Variants in SIGLEC10 observed in about 807,000 individuals in gnomAD.
SIGLEC10 encodes the protein sialic acid-binding Ig-like lectin 10.
SIGLEC10 carries 45 observed loss-of-function variants against 68.3 expected under a neutral mutation model. That is an observed-to-expected ratio of 0.66 (90% CI 0.52 to 0.84). The LOEUF is 0.84. Among genes scored for constraint, SIGLEC10 ranks in the 40% least tolerant of loss-of-function variants. SIGLEC10 has a pLI of 0.00. For synonymous variants in SIGLEC10, 379 were observed against 370.8 expected, an observed-to-expected ratio of 1.02 and a Z score of -0.26; for missense variants, 789 against 883.1, an observed-to-expected ratio of 0.89 and a Z score of 1.35.
At position 51,416,150 on chromosome 19, in the gene SIGLEC10, G is replaced by A; in HGVS notation, c.772C>T (p.Gln258Ter). Reference sequence around the variant, plus strand: ...GCTTCCAGGTATGGGACATTTCCCTGGGGCTGGGGCTCCAGGGCTGGAGTG... The same window carrying A: ...GCTTCCAGGTATGGGACATTTCCCTAGGGCTGGGGCTCCAGGGCTGGAGTG... ...DNTPALEPQP[Q>*]GNVPYLEAQK... Residue 258 changes from glutamine to a stop codon, truncating the protein, a stop_gained, in exon 5 of 11, where the codon CAG (glutamine) becomes TAG (stop). Coordinates refer to ENST00000339313, the MANE Select transcript of SIGLEC10 (RefSeq NM_033130.5). LOFTEE classifies it high-confidence loss of function. 1 of 1,609,304 alleles carries A rather than the reference G, an allele frequency of 6.2e-7. No individual in the cohort carries two copies. Among genetic ancestry groups the A allele is most frequent in the Non-Finnish European group, 8.5e-7 (1 of 1,177,996 alleles).
rs1267384284 is a variant in SIGLEC10 at position 51,410,660 on chromosome 19, T to G, written c.*439A>C. 2 of 156,438 alleles carry G rather than the reference T, an allele frequency of 1.3e-5. No individual in the cohort carries two copies. Among genetic ancestry groups the G allele is most frequent in the African/African-American group, 2.4e-5 (1 of 41,114 alleles). The allele number at this position is 156,438 out of a possible 1,614,324, so 9.7% of individuals were successfully genotyped here. On this transcript the variant is annotated 3_prime_UTR_variant, in exon 11 of 11. Transcript: ENST00000339313. ...GACACCCAACCCATTTGGAGGATTT[T>G]TTTTTTGAGATGGAGTCTCGCTTTG...
chr19:51,414,979 C>A lies in SIGLEC10; in HGVS notation c.1460G>T (p.Ser487Ile). The change falls in exon 8 of 11, where the codon AGC becomes ATC. Residue 487 changes from serine (S) to isoleucine (I), a missense_variant. Coordinates refer to ENST00000339313, the MANE Select transcript of SIGLEC10 (RefSeq NM_033130.5). This position sits in a 1 kb window ranked among gnomAD's most constrained non-coding sequence, Gnocchi z 4.1. ...GGTGACCTCGAAGGAGTCCTGGCTG[C>A]TGTTCCCCTCCAGCAGCTCCTCCCC... The part of the protein sequence containing the change: ...WLGEELLEGN[S>I]SQDSFEVTPS... The A allele has an allele frequency of 1.2e-6, 2 of 1,613,320 alleles. No homozygotes were observed. Among genetic ancestry groups the A allele is most frequent in the Non-Finnish European group, 1.7e-6 (2 of 1,179,934 alleles).
chr19:51,411,311 C>T lies in SIGLEC10; in HGVS notation c.1882G>A (p.Ala628Thr), dbSNP rs778977961. Residue 628 changes from alanine (A) to threonine (T), a missense_variant, in exon 11 of 11, where the codon GCT becomes ACT. Ala to Thr is a moderately conservative substitution (Grantham distance 58). Coordinates refer to ENST00000339313, the MANE Select transcript of SIGLEC10 (RefSeq NM_033130.5). Reference protein sequence around the residue: ...NSPRTPLPPGAPSPESKKNQK... With the variant: ...NSPRTPLPPGTPSPESKKNQK... The stretch of plus-strand genomic sequence containing the variant: ...TTCTTCTTTGATTCTGGGGAGGGAG[C>T]ACCTGGTGGAAGAGGGGTCCGAGGA... The T allele has an allele frequency of 1.2e-6, 2 of 1,614,170 alleles. No homozygotes were observed. Among genetic ancestry groups the T allele is most frequent in the Admixed American group, 3.3e-5 (2 of 60,014 alleles).
At chr19:51,416,448 TC>T (rs1988667398) in intron 3 of SIGLEC10, 91 bp from the exon 4 acceptor site, 1 of 1,611,308 alleles carries the variant, frequency 6.2e-7, no homozygotes. Flanking sequence ...AGTGGGACTA[TC>T]CCGGGAAGAC....
In SIGLEC10 at chr19:51,416,756, G is replaced by T; in HGVS notation, c.616C>A (p.Pro206Thr). The T allele has an allele frequency of 6.2e-7, 1 of 1,614,252 alleles. No individual in the cohort carries two copies. The highest frequency in any genetic ancestry group is 8.5e-7 in the Non-Finnish European group (1 of 1,180,040). Residue 206 changes from proline to threonine, a missense_variant, in exon 3 of 11, where the codon CCC (proline) becomes ACC (threonine). By Grantham distance (38) the Pro-to-Thr change is conservative. Transcript: ENST00000339313. ...HFSVLSFTPR[P>T]QDHNTDLTCH... is the part of the protein sequence containing the mutation. ...GTGAGGTCGGTGTTGTGGTCCTGGG[G>T]TCTGGGCGTGAAGCTGAGCACTGAG...
Position 51,416,811 on chromosome 19 carries a change from G to A in SIGLEC10, c.561C>T (p.Ser187=), listed in dbSNP as rs142651280. 413 of 1,613,866 alleles carry A rather than the reference G, an allele frequency of 2.6e-4. 2 individuals carry two copies. In the African/African-American group the frequency reaches 4.5e-3, roughly 18 times the overall value. ...GGGAGGTCGTTGGTTTGGTTCCTTG[G>A]GAGGAGAGGGCAGCCCCCGTCCAGG... ...SFSWTGAALS[S]QGTKPTTSHF... The change falls in exon 3 of 11, where the codon TCC becomes TCT. Residue 187 remains serine (S), a synonymous_variant. Transcript: ENST00000339313.
intron 10 of SIGLEC10, among the ~76,000 whole-genome samples, chr19:51,412,683 A>G (rs1988127482): frequency 6.6e-6 from 1 of 151,724 alleles, no homozygotes; most frequent in Non-Finnish European, 1.5e-5. Context: ...ACCATGTTGA[A>G]CACGCTGCTC....
Position 51,417,565 on chromosome 19 carries a change from A to G in SIGLEC10, c.17T>C (p.Leu6Pro), listed in dbSNP as rs1340785009. The change falls in exon 1 of 11, where the codon CTG becomes CCG. Residue 6 changes from leucine to proline, a missense_variant. Transcript: ENST00000339313. ...CTCACCGCCCAGCAGCGAGGACAGC[A>G]GCAGTGGCAGTAGCATCTCCGCATA... MLLPL[L>P]LSSLLGGSQA... is the part of the protein sequence containing the mutation. The G allele has an allele frequency of 6.2e-7, 1 of 1,614,222 alleles. No homozygotes were observed. The highest frequency in any genetic ancestry group is 8.5e-7 in the Non-Finnish European group (1 of 1,180,024).
chr19:51,415,978 G>C lies in SIGLEC10; in HGVS notation c.944C>G (p.Ala315Gly), dbSNP rs543398977. ...GCAGGTGTAGCGCCCTGAATCCCCA[G>C]CCTTCACCCCGGGCAGCTCCAGCCC... ...PLGLELPGVK[A>G]GDSGRYTCRA... The change falls in exon 5 of 11, where the codon GCT (alanine) becomes GGT (glycine). Residue 315 changes from alanine to glycine, a missense_variant. Physicochemically the swap from Ala to Gly is moderately conservative, Grantham distance 60. Coordinates refer to ENST00000339313, the MANE Select transcript of SIGLEC10 (RefSeq NM_033130.5). 6.2e-7 allele frequency: 1 copy of C among 1,613,494 alleles called. No homozygotes were observed. The highest frequency in any genetic ancestry group is 1.3e-5 in the African/African-American group (1 of 74,922).
rs762897936 is a variant in SIGLEC10 at position 51,413,755 on chromosome 19, G to A, written c.1778C>T (p.Thr593Met). The change falls in exon 10 of 11, where the codon ACG becomes ATG. Residue 593 changes from threonine (T) to methionine (M), a missense_variant. Physicochemically the swap from Thr to Met is moderately conservative, Grantham distance 81. Coordinates refer to ENST00000339313, the MANE Select transcript of SIGLEC10 (RefSeq NM_033130.5). ...TPRPRFSRHSTILDYINVVPT... is the reference protein window; with the variant it reads ...TPRPRFSRHSMILDYINVVPT... ...GACCACATTGATGTAATCCAGGATC[G>A]TGCTGTGCCGGGAGAACCTGGGCCT... 7.1e-5 allele frequency: 115 copies of A among 1,614,046 alleles called. No individual in the cohort carries two copies. Among genetic ancestry groups the A allele is most frequent in the Non-Finnish European group, 9.5e-5 (112 of 1,180,048 alleles).
At position 51,410,391 on chromosome 19, in the gene SIGLEC10, A is replaced by C. The variant is rs1254626719; in HGVS notation, c.*708T>G. ...CTCCTGTCTCATCCTGTGACTTAGA[A>C]TGCCTCCACTGTCTGAGAATGCAGC... On this transcript the variant is annotated 3_prime_UTR_variant, in exon 11 of 11. Coordinates refer to ENST00000339313, the MANE Select transcript of SIGLEC10 (RefSeq NM_033130.5). 6.6e-6 allele frequency: 1 copy of C among 152,214 alleles called. No individual in the cohort carries two copies. The highest frequency in any genetic ancestry group is 1.5e-5 in the Non-Finnish European group (1 of 68,062). The allele number at this position is 152,214 out of a possible 1,614,324, so 9.4% of individuals were successfully genotyped here.
chr19:51,415,157 A>G (rs56357939), intron 7 of SIGLEC10, 24 bp downstream of exon 7: 1 of 1,584,380 alleles, frequency 6.3e-7, no homozygotes. Flanking sequence ...CCTGGGACCC[A>G]GGTGTCCCCT....
chr19:51,413,180 A>G (rs1295338610), intron 10 of SIGLEC10, among the ~76,000 whole-genome samples: 1 of 152,160 alleles, frequency 6.6e-6, no homozygotes, highest in Non-Finnish European at 1.5e-5. Flanking sequence ...TATTCTGAAT[A>G]TTTTATTATG....
At position 51,417,228 on chromosome 19, in the gene SIGLEC10, A is replaced by G; in HGVS notation, c.275T>C (p.Leu92Pro). 1 of 1,614,152 alleles carries G rather than the reference A, an allele frequency of 6.2e-7. No homozygotes were observed. Among genetic ancestry groups the G allele is most frequent in the South Asian group, 1.1e-5 (1 of 91,084 alleles). ...VEMSTRGRFQLTGDPAKGNCS... is the reference protein window; with the variant it reads ...VEMSTRGRFQPTGDPAKGNCS... ...GTTCCCCTTGGCGGGATCCCCAGTG[A>G]GCTGGAATCGGCCCCGGGTGCTCAT... The change falls in exon 2 of 11, where the codon CTC becomes CCC. Residue 92 changes from leucine (L) to proline (P), a missense_variant. By Grantham distance (98) the Leu-to-Pro change is moderately conservative (BLOSUM62 -3). Transcript: ENST00000339313.
At position 51,417,596 on chromosome 19, in the gene SIGLEC10, C is replaced by T. The variant is rs3810102; in HGVS notation, c.-15G>A. On this transcript the variant is annotated 5_prime_UTR_variant, in exon 1 of 11. Transcript: ENST00000339313. ...GGCAGTAGCATCTCCGCATAGGAGG[C>T]GCAGGGCCTGCCTGAGACAGGCCTG... 0.045 allele frequency: 72,306 copies of T among 1,614,004 alleles called. 2,295 individuals carry two copies. The highest frequency in any genetic ancestry group is 0.14 in the African/African-American group (10,826 of 75,050).
intron 10 of SIGLEC10, among the ~76,000 whole-genome samples, chr19:51,412,735 C>A (rs1988133917): frequency 6.6e-6 from 1 of 151,702 alleles, no homozygotes; most frequent in Non-Finnish European, 1.5e-5. Context: ...CTCGGCCTCC[C>A]AAAGTGCTGG....
At chr19:51,413,033 T>G (rs889397963) in intron 10 of SIGLEC10, among the ~76,000 whole-genome samples, 2 of 152,122 alleles carry the variant, frequency 1.3e-5, no homozygotes, top group African/African-American at 4.8e-5. Context: ...AAGTGCTGAT[T>G]AGACACCCAC....
rs865891152 is a variant in SIGLEC10 at position 51,416,158 on chromosome 19, G to A, written c.764C>T (p.Pro255Leu). 6.2e-7 allele frequency: 1 copy of A among 1,604,236 alleles called. No individual in the cohort carries two copies. The highest frequency in any genetic ancestry group is 8.5e-7 in the Non-Finnish European group (1 of 1,172,832). Residue 255 changes from proline (P) to leucine (L), a missense_variant, in exon 5 of 11, where the codon CCC (proline) becomes CTC (leucine). Transcript: ENST00000339313. ...ISRDNTPALE[P>L]QPQGNVPYLE... ...GTATGGGACATTTCCCTGGGGCTGG[G>A]GCTCCAGGGCTGGAGTGGGAGGAAA...
Position 51,410,943 on chromosome 19 carries a change from C to T in SIGLEC10, c.*156G>A. 1.1e-6 allele frequency: 1 copy of T among 902,358 alleles called. No homozygotes were observed. Among genetic ancestry groups the T allele is most frequent in the African/African-American group, 1.7e-5 (1 of 59,832 alleles). 55.9% of individuals were successfully genotyped at this position (902,358 alleles called of 1,614,324 possible). On this transcript the variant is annotated 3_prime_UTR_variant, in exon 11 of 11. Coordinates refer to ENST00000339313, the MANE Select transcript of SIGLEC10 (RefSeq NM_033130.5). ...GGATTACAGGCGTGAGCCACTGTGC[C>T]CTGGCCAGATGTTTTTTTAAAAGAG...
Sources: allele counts gnomAD v4.1 joint callset (sites outside exome capture counted in the v4.1 genomes callset), GRCh38; gene constraint gnomAD v4.1.1; non-coding constraint Gnocchi (gnomAD v3.1); transcripts MANE v1.5; gene names NCBI Gene and HGNC (gene_info 2026-07-23, HGNC 2026-07-21).